Variants in C2CD3 observed in about 807,000 individuals in gnomAD.
The protein encoded by C2CD3 is C2 domain containing 3 centriole elongation regulator.
In C2CD3, 148 loss-of-function variants were observed where a neutral mutation model predicts 234.0. The observed-to-expected ratio is 0.63, with a 90% CI of 0.55 to 0.72. C2CD3 has a LOEUF of 0.72. Ranked by LOEUF, C2CD3 falls within the 30% of genes least tolerant of loss-of-function variation. The probability of loss-of-function intolerance (pLI) is 0.00; values close to 1 mark genes in which losing one functional copy is unlikely to be tolerated. For missense variants in C2CD3, 2,577 were observed against 2,811.5 expected (o/e 0.92, Z 1.89); for synonymous variants, 1,000 against 1,035.4 (o/e 0.97, Z 0.66).
intron 22 of C2CD3, among the ~76,000 whole-genome samples, chr11:74,083,815 A>G (rs1426922107): frequency 6.6e-6 from 1 of 152,210 alleles, no homozygotes; most frequent in Non-Finnish European, 1.5e-5. Context: ...GAGGATGTGG[A>G]GAAATAGGAA....
rs1856964943 is a variant in C2CD3 at position 74,168,721 on chromosome 11, C to T, written c.56-108G>A. On this transcript the variant is annotated intron_variant, in intron 1 of 32. Transcript: ENST00000334126. ...CAGAACACTTTAGTCTTAAGTTCAG[C>T]AATTTATCACCACTTAGAAAGAAGG... 2.0e-5 allele frequency: 19 copies of T among 951,636 alleles called. No homozygotes were observed. In the South Asian group the frequency reaches 3.1e-4, roughly 15 times the overall value. The allele number at this position is 951,636 out of a possible 1,614,324, so 58.9% of individuals were successfully genotyped here. A position where few individuals can be genotyped will look rare whatever the true frequency, so the allele number is the denominator to read the frequency against.
chr11:74,086,820 A>T (rs1955662846), intron 20 of C2CD3, among the ~76,000 whole-genome samples: 1 of 152,212 alleles, frequency 6.6e-6, no homozygotes, highest in Non-Finnish European at 1.5e-5. Flanking sequence ...AGGCAAAGAA[A>T]TCACCTATTT....
At chr11:74,124,673 T>C (rs1212663006) in intron 7 of C2CD3, among the ~76,000 whole-genome samples, 3 of 152,198 alleles carry the variant, frequency 2.0e-5, no homozygotes, top group Non-Finnish European at 4.4e-5. Context: ...CCAGTCGACA[T>C]GGCCTCTCTG....
At chr11:74,077,780 T>A (rs1955109516) in intron 23 of C2CD3, among the ~76,000 whole-genome samples, 1 of 472 alleles carries the variant, frequency 2.1e-3, no homozygotes, top group Non-Finnish European at 6.0e-3. Context: ...AGTATATATA[T>A]ATATATATAT....
intron 9 of C2CD3, 56 bp downstream of exon 9, chr11:74,118,172 T>C (rs1181726521): frequency 6.9e-7 from 1 of 1,440,874 alleles, no homozygotes; most frequent in African/African-American, 1.4e-5. Context: ...TGGGAGATCT[T>C]GTGAAAATAA....
chr11:74,020,620 A>C (rs773636286), intron 32 of C2CD3, among the ~76,000 whole-genome samples: 7 of 152,240 alleles, frequency 4.6e-5, no homozygotes, highest in Admixed American at 3.3e-4. Context: ...GGCAGTTGGC[A>C]GGAGTTGGAG....
chr11:74,156,839 T>C (rs1261390825), intron 3 of C2CD3, among the ~76,000 whole-genome samples: 1 of 152,076 alleles, frequency 6.6e-6, no homozygotes, highest in Non-Finnish European at 1.5e-5. Context: ...GGCATGGTGG[T>C]GTGCACCTGT....
intron 8 of C2CD3, among the ~76,000 whole-genome samples, chr11:74,119,683 T>C (rs916490859): frequency 6.6e-6 from 1 of 151,218 alleles, no homozygotes; most frequent in Non-Finnish European, 1.5e-5. Context: ...TTGCCCAGGC[T>C]GGAGTGCAGT....
At chr11:74,088,665 C>T (rs1955759900) in intron 20 of C2CD3, among the ~76,000 whole-genome samples, 1 of 152,170 alleles carries the variant, frequency 6.6e-6, no homozygotes, top group Non-Finnish European at 1.5e-5. Flanking sequence ...TCCTTCTCTG[C>T]CAATTAAATG....
intron 13 of C2CD3, among the ~76,000 whole-genome samples, chr11:74,104,935 G>A: frequency 6.6e-6 from 1 of 152,118 alleles, no homozygotes; most frequent in Non-Finnish European, 1.5e-5. Flanking sequence ...AATGAACCAG[G>A]CAGACAAAAA....
At chr11:74,116,948 G>A (rs565618842) in intron 9 of C2CD3, among the ~76,000 whole-genome samples, 83 of 100,828 alleles carry the variant, frequency 8.2e-4, no homozygotes, top group Non-Finnish European at 1.2e-3. Context: ...ACATATACAC[G>A]TATATATGTG....
At chr11:74,113,429 A>G in intron 11 of C2CD3, 1 of 284,488 alleles carries the variant, frequency 3.5e-6, no homozygotes, top group South Asian at 3.5e-5. Flanking sequence ...CTGTAATCCC[A>G]GCACTTTGGG....
At chr11:74,043,199 G>A in intron 28 of C2CD3, among the ~76,000 whole-genome samples, 1 of 152,112 alleles carries the variant, frequency 6.6e-6, no homozygotes, top group East Asian at 1.9e-4. Context: ...GCCTCAATAG[G>A]TTTGCCCATT....
intron 32 of C2CD3, among the ~76,000 whole-genome samples, chr11:74,015,210 AAGACAGG>A (rs1199599544): frequency 1.3e-5 from 2 of 152,220 alleles, no homozygotes; most frequent in African/African-American, 2.4e-5. Flanking sequence ...GGCCAGTTCC[AAGACAGG>A]AGCCTGGGAG....
intron 26 of C2CD3, 68 bp downstream of exon 26, chr11:74,054,539 G>A: frequency 1.4e-6 from 1 of 691,260 alleles, no homozygotes; most frequent in South Asian, 2.0e-5. Context: ...AAAAGGAATG[G>A]TAGATTGTTA....
intron 11 of C2CD3, among the ~76,000 whole-genome samples, chr11:74,111,179 T>C (rs1361527828): frequency 6.6e-6 from 1 of 152,216 alleles, no homozygotes; most frequent in Admixed American, 6.5e-5. Context: ...GTTTCCTCTT[T>C]CCTCATCTGT....
rs553096414 is a variant in C2CD3, at chr11:74,032,742, G to A, written c.6809+609C>T. Among the ~76,000 whole-genome samples the A allele has an allele frequency of 6.6e-5, 10 of 152,036 alleles. No homozygotes were observed. In the East Asian group the frequency reaches 1.9e-3, roughly 29 times the overall value. On this transcript the variant is annotated intron_variant, in intron 31 of 32. Coordinates refer to ENST00000334126, the MANE Select transcript of C2CD3 (RefSeq NM_001286577.2). The stretch of plus-strand genomic sequence containing the variant: ...TAGCTGGGTGTGATGCTGCATACCT[G>A]TAGTTCTAGCTACTTGCAAGGCTGA...
intron 7 of C2CD3, chr11:74,129,403 C>T (rs1261611728): frequency 3.7e-4 from 63 of 170,280 alleles, no homozygotes; most frequent in Admixed American, 7.6e-4. Flanking sequence ...GACGGGGTCG[C>T]GGCCGGGCAG....
intron 3 of C2CD3, among the ~76,000 whole-genome samples, chr11:74,141,945 T>A (rs995517505): frequency 1.3e-5 from 2 of 151,896 alleles, no homozygotes; most frequent in African/African-American, 4.8e-5. Flanking sequence ...GAGGCTGCAG[T>A]GAGCTATGAT....
Sources: allele counts gnomAD v4.1 joint callset (sites outside exome capture counted in the v4.1 genomes callset), GRCh38; gene constraint gnomAD v4.1.1; transcripts MANE v1.5; gene names NCBI Gene and HGNC (gene_info 2026-07-23, HGNC 2026-07-21).